Variants in ZNF770 observed in about 807,000 individuals in gnomAD.
ZNF770 encodes zinc finger protein 770.
In ZNF770, 13 loss-of-function variants were observed where a neutral mutation model predicts 44.8. The observed-to-expected ratio is 0.29, with a 90% CI of 0.19 to 0.46. The LOEUF is 0.46. ZNF770 is among the 20% of genes least tolerant of loss of function. The pLI is 1.00. For missense variants in ZNF770, 681 were observed against 797.9 expected, an observed-to-expected ratio of 0.85 and a Z score of 1.77; for synonymous variants, 304 against 271.8, an observed-to-expected ratio of 1.12 and a Z score of -1.17.
In ZNF770 at chr15:34,983,398, G is replaced by T; in HGVS notation, c.37C>A (p.Gln13Lys). 1 of 1,575,762 alleles carries T rather than the reference G, an allele frequency of 6.3e-7. No individual in the cohort carries two copies. The highest frequency in any genetic ancestry group is 8.6e-7 in the Non-Finnish European group (1 of 1,158,770). The change falls in exon 3 of 3, where the codon CAA (glutamine) becomes AAA (lysine). Residue 13 changes from glutamine (Q) to lysine (K), a missense_variant. Gln to Lys is a moderately conservative substitution (Grantham distance 53). This residue lies in a region of ZNF770 where 65 missense variants were observed against 115.0 expected (regional missense o/e 0.57). Coordinates refer to ENST00000356321, the MANE Select transcript of ZNF770 (RefSeq NM_014106.4). ...AGTTTGTTGGCTACCACACACTGTT[G>T]AATCTTTAGCATTTTTAAATTGTTT... is the stretch of plus-strand genomic sequence containing the variant. ...AENNLKMLKI[Q>K]QCVVANKLPR...
chr15:34,984,584 G>A (rs1487051953), intron 2 of ZNF770, among the ~76,000 whole-genome samples: 3 of 151,776 alleles, frequency 2.0e-5, no homozygotes, highest in African/African-American at 7.3e-5. Flanking sequence ...CTTGAACCCA[G>A]GAGGCAAAGG....
In ZNF770 at chr15:34,979,851, G is replaced by T; in HGVS notation, c.*1508C>A. On this transcript the variant is annotated 3_prime_UTR_variant, in exon 3 of 3. Transcript: ENST00000356321. ...TTTATTGCTAGAGAATGTCATTCCT[G>T]AAGATTTTATAAACAAAGGCAAATA... 3.3e-6 allele frequency: 1 copy of T among 304,974 alleles called. No homozygotes were observed. Among genetic ancestry groups the T allele is most frequent in the Admixed American group, 5.3e-5 (1 of 18,920 alleles). 18.9% of individuals were successfully genotyped at this position (304,974 alleles called of 1,614,324 possible). A position where few individuals can be genotyped will look rare whatever the true frequency, so the allele number is the denominator to read the frequency against.
chr15:34,983,498 T>G lies in ZNF770; in HGVS notation c.-56-8A>C. The G allele has an allele frequency of 7.8e-7, 1 of 1,287,996 alleles. No individual in the cohort carries two copies. The highest frequency in any genetic ancestry group is 1.5e-5 in the African/African-American group (1 of 65,098). 79.8% of individuals were successfully genotyped at this position (1,287,996 alleles called of 1,614,324 possible). A position where few individuals can be genotyped will look rare whatever the true frequency, so the allele number is the denominator to read the frequency against. ...CTTAAATTCCACAGATGTCTAAAAA[T>G]TAAAGGAAAAAAAGTATTAATTTTA... On this transcript the variant is annotated splice_polypyrimidine_tract_variant and splice_region_variant and intron_variant, in intron 2 of 2. Transcript: ENST00000356321.
chr15:34,981,564 AG>A lies in ZNF770; in HGVS notation c.1870del (p.Leu624CysfsTer22). 1.2e-6 allele frequency: 2 copies of A among 1,614,214 alleles called. No homozygotes were observed. Among genetic ancestry groups the A allele is most frequent in the Non-Finnish European group, 1.7e-6 (2 of 1,180,028 alleles). ...TTTAGCACAAACACTGCATCGGTAC[AG>A]GAAGACATCATTTTTCTCCTGATGC... ...SEHQEKNDVF[L>X]YRCSVCAKSF... On this transcript the variant is annotated frameshift_variant, in exon 3 of 3. Coordinates refer to ENST00000356321, the MANE Select transcript of ZNF770 (RefSeq NM_014106.4). LOFTEE classifies it high-confidence loss of function.
At chr15:34,984,283 A>G (rs1225113722) in intron 2 of ZNF770, among the ~76,000 whole-genome samples, 1 of 152,240 alleles carries the variant, frequency 6.6e-6, no homozygotes, top group African/African-American at 2.4e-5. Context: ...ATCAAATTTT[A>G]AAATGTTATC....
chr15:34,983,593 TC>T, intron 2 of ZNF770, 103 bp from the exon 3 acceptor site: 1 of 524,494 alleles, frequency 1.9e-6, no homozygotes, highest in Non-Finnish European at 3.0e-6. Context: ...CAAAGGAGAA[TC>T]TGGACTTAGT....
rs1178303944 is a variant in ZNF770, at chr15:34,987,650, G to C, written c.-150C>G. 1.3e-5 allele frequency: 2 copies of C among 152,226 alleles called. No individual in the cohort carries two copies. The highest frequency in any genetic ancestry group is 4.8e-5 in the African/African-American group (2 of 41,444). 9.4% of individuals were successfully genotyped at this position (152,226 alleles called of 1,614,324 possible). A position where few individuals can be genotyped will look rare whatever the true frequency, so the allele number is the denominator to read the frequency against. ...AAAACGATGTGAGGATTTCACGAAA[G>C]TAAGCGAACAAGAAATGAAAGACCT... On this transcript the variant is annotated 5_prime_UTR_variant, in exon 2 of 3. Transcript: ENST00000356321.
At chr15:34,988,091 C>G (rs1046739087) in intron 1 of ZNF770, 25 bp downstream of exon 1, 3 of 152,258 alleles carry the variant, frequency 2.0e-5, no homozygotes, top group Admixed American at 2.0e-4. Context: ...GGTTGTGGAG[C>G]CCCCGTTCTT....
intron 2 of ZNF770, among the ~76,000 whole-genome samples, chr15:34,986,152 G>A (rs966153361): frequency 7.2e-5 from 11 of 152,174 alleles, no homozygotes; most frequent in South Asian, 2.1e-4. Flanking sequence ...TATGAGACAA[G>A]ATTACTAAAG....
intron 2 of ZNF770, among the ~76,000 whole-genome samples, chr15:34,986,327 C>A (rs1278048598): frequency 6.6e-6 from 1 of 152,076 alleles, no homozygotes; most frequent in Non-Finnish European, 1.5e-5. Context: ...ATCATATAAC[C>A]CAGATATCAA....
At position 34,983,001 on chromosome 15, in the gene ZNF770, G is replaced by A; in HGVS notation, c.434C>T (p.Ser145Phe). 3.1e-6 allele frequency: 5 copies of A among 1,613,986 alleles called. No homozygotes were observed. Among genetic ancestry groups the A allele is most frequent in the Non-Finnish European group, 4.2e-6 (5 of 1,179,966 alleles). Residue 145 changes from serine to phenylalanine, a missense_variant, in exon 3 of 3, where the codon TCT becomes TTT. This residue lies in a region of ZNF770 where 432 missense variants were observed against 434.1 expected (regional missense o/e 1.00). Coordinates refer to ENST00000356321, the MANE Select transcript of ZNF770 (RefSeq NM_014106.4). ...CATGCTATACATGGGATCAGACTTA[G>A]AGCACGGGTGTAATGCCCATCTTTC... The part of the protein sequence containing the change: ...TEERWALHPC[S>F]KSDPMYSMKR...
rs1424130400 is a variant in ZNF770, at chr15:34,978,940, T to A, written c.*2419A>T. On this transcript the variant is annotated 3_prime_UTR_variant, in exon 3 of 3. Coordinates refer to ENST00000356321, the MANE Select transcript of ZNF770 (RefSeq NM_014106.4). ...GTAAATGCTATTTAAATAACTGTTATACTGTATTTTTATTTGTATTATTTT... is the reference window on the plus strand; with the variant it reads ...GTAAATGCTATTTAAATAACTGTTAAACTGTATTTTTATTTGTATTATTTT... 1.3e-5 allele frequency: 2 copies of A among 152,356 alleles called. No individual in the cohort carries two copies. The highest frequency in any genetic ancestry group is 2.1e-4 in the South Asian group (1 of 4,836). The allele number at this position is 152,356 out of a possible 1,614,324, so 9.4% of individuals were successfully genotyped here.
intron 2 of ZNF770, among the ~76,000 whole-genome samples, chr15:34,984,967 G>A (rs1219392505): frequency 6.6e-6 from 1 of 151,478 alleles, no homozygotes; most frequent in Non-Finnish European, 1.5e-5. Context: ...ACCCCGTCTC[G>A]ACTAAAAATA....
rs1319983236 is a variant in ZNF770 at position 34,979,878 on chromosome 15, G to A, written c.*1481C>T. The A allele has an allele frequency of 6.7e-6, 2 of 300,272 alleles. No homozygotes were observed. Among genetic ancestry groups the A allele is most frequent in the African/African-American group, 4.5e-5 (2 of 43,982 alleles). 18.6% of individuals were successfully genotyped at this position (300,272 alleles called of 1,614,324 possible). A position where few individuals can be genotyped will look rare whatever the true frequency, so the allele number is the denominator to read the frequency against. On this transcript the variant is annotated 3_prime_UTR_variant, in exon 3 of 3. Transcript: ENST00000356321. ...AGATTTTATAAACAAAGGCAAATAT[G>A]AAGGAAAATTTGTAATTATGAAATA...
At chr15:34,986,017 A>C (rs1351689672) in intron 2 of ZNF770, among the ~76,000 whole-genome samples, 1 of 152,176 alleles carries the variant, frequency 6.6e-6, no homozygotes, top group East Asian at 1.9e-4. Flanking sequence ...GAAGAAGTAA[A>C]AAAGTTTATG....
Position 34,981,842 on chromosome 15 carries a change from A to G in ZNF770, c.1593T>C (p.Tyr531=), listed in dbSNP as rs769972527. 6.2e-7 allele frequency: 1 copy of G among 1,614,010 alleles called. No individual in the cohort carries two copies. ...CAAATTCTACTTGGCAAAGAGATGC[A>G]TAAGGACTCTTTTCATTATGAGTCT... The part of the protein sequence containing the change: ...HEQTHNEKSP[Y]ASLCQVEFGN... The change falls in exon 3 of 3, where the codon TAT becomes TAC. Residue 531 remains tyrosine, a synonymous_variant. Transcript: ENST00000356321.
At chr15:34,984,396 G>A (rs1279309846) in intron 2 of ZNF770, among the ~76,000 whole-genome samples, 1 of 152,010 alleles carries the variant, frequency 6.6e-6, no homozygotes, top group South Asian at 2.1e-4. Context: ...CGTGGCTCAC[G>A]CCTGTAATCC....
chr15:34,982,846 A>G lies in ZNF770; in HGVS notation c.589T>C (p.Phe197Leu), dbSNP rs2050411652. Reference protein sequence around the residue: ...PFKCVLCTKSFRQSTHLKIHQ... With the variant: ...PFKCVLCTKSLRQSTHLKIHQ... ...ATTTTTAAGTGAGTTGACTGTCGAA[A>G]AGATTTAGTACACAAGACACATTTA... Residue 197 changes from phenylalanine to leucine, a missense_variant, in exon 3 of 3, where the codon TTT (phenylalanine) becomes CTT (leucine). Around this residue, in one of 5 missense-constraint regions of ZNF770, gnomAD observed 432 missense variants for 434.1 expected, o/e 1.00. Transcript: ENST00000356321. 1 of 1,613,790 alleles carries G rather than the reference A, an allele frequency of 6.2e-7. No individual in the cohort carries two copies. Among genetic ancestry groups the G allele is most frequent in the Non-Finnish European group, 8.5e-7 (1 of 1,179,982 alleles).
At position 34,983,108 on chromosome 15, in the gene ZNF770, A is replaced by T. The variant is rs1294200329; in HGVS notation, c.327T>A (p.Asn109Lys). 1.2e-6 allele frequency: 2 copies of T among 1,614,084 alleles called. No individual in the cohort carries two copies. The highest frequency in any genetic ancestry group is 2.2e-5 in the South Asian group (2 of 91,082). ...HQQLHNETYQNNVKQVRRLLE... is the reference protein window; with the variant it reads ...HQQLHNETYQKNVKQVRRLLE... ...GCAATCTTCTGACCTGTTTAACATT[A>T]TTCTGATAGGTTTCATTGTGAAGTT... The change falls in exon 3 of 3, where the codon AAT becomes AAA. Residue 109 changes from asparagine to lysine, a missense_variant. Transcript: ENST00000356321.
Sources: gnomAD v4.1 joint callset for allele counts (sites outside exome capture counted in the v4.1 genomes callset) on GRCh38, gnomAD v4.1.1 for gene constraint, gnomAD v4.1.1 regional missense constraint, MANE v1.5 for transcripts, NCBI Gene and HGNC (gene_info 2026-07-23, HGNC 2026-07-21) for gene names.